Variants in TAPT1 observed in about 807,000 individuals in gnomAD.
TAPT1 encodes the protein transmembrane anterior posterior transformation protein 1 homolog.
TAPT1 carries 28 observed loss-of-function variants against 65.6 expected under a neutral mutation model. That is an observed-to-expected ratio of 0.43 (90% confidence interval 0.32 to 0.59). The LOEUF (loss-of-function observed/expected upper bound fraction) is 0.59, where lower values mean the gene tolerates loss of function less well. Among genes scored for constraint, TAPT1 ranks in the 20% least tolerant of loss-of-function variants. TAPT1 has a pLI of 0.09. For missense variants in TAPT1, 563 were observed against 679.9 expected, an observed-to-expected ratio of 0.83 and a Z score of 1.91; for synonymous variants, 278 against 245.2, an observed-to-expected ratio of 1.13 and a Z score of -1.25.
intron 1 of TAPT1, among the ~76,000 whole-genome samples, chr4:16,221,270 C>A (rs62288992): frequency 0.011 from 1,613 of 152,086 alleles, 12 homozygotes; most frequent in Non-Finnish European, 0.016. Context: ...GGATTACAGG[C>A]GCACACCTCC....
chr4:16,182,518 T>C (rs1748769350), intron 7 of TAPT1, among the ~76,000 whole-genome samples: 1 of 152,240 alleles, frequency 6.6e-6, no homozygotes, highest in Non-Finnish European at 1.5e-5. Flanking sequence ...AGGGATATAC[T>C]TTAACATACT....
chr4:16,170,966 G>A (rs894983242), intron 11 of TAPT1, among the ~76,000 whole-genome samples: 1 of 152,158 alleles, frequency 6.6e-6, no homozygotes, highest in Non-Finnish European at 1.5e-5. Context: ...GGATGCCTGT[G>A]GCTAGTGCAA....
chr4:16,198,549 A>G (rs1041988125), intron 3 of TAPT1, among the ~76,000 whole-genome samples: 1 of 140,732 alleles, frequency 7.1e-6, no homozygotes, highest in African/African-American at 2.8e-5. Context: ...GAAGATTGAA[A>G]TACAGGAGAG....
intron 1 of TAPT1, among the ~76,000 whole-genome samples, chr4:16,215,519 A>G (rs578238995): frequency 6.6e-6 from 1 of 152,224 alleles, no homozygotes; most frequent in Non-Finnish European, 1.5e-5. Flanking sequence ...TTCTTTAAAT[A>G]CCAGATTCAT....
intron 12 of TAPT1, among the ~76,000 whole-genome samples, chr4:16,169,975 A>G (rs1025824916): frequency 6.6e-5 from 10 of 152,180 alleles, no homozygotes; most frequent in Admixed American, 4.6e-4. Context: ...CTCCTGATGC[A>G]CACCACCTAG....
At chr4:16,208,700 C>T (rs2149708613) in intron 2 of TAPT1, among the ~76,000 whole-genome samples, 1 of 152,302 alleles carries the variant, frequency 6.6e-6, no homozygotes, top group East Asian at 1.9e-4. Flanking sequence ...CTCTTTTCTT[C>T]TAGATTTGTT....
chr4:16,173,032 C>T (rs1227578775), intron 11 of TAPT1, among the ~76,000 whole-genome samples: 3 of 152,112 alleles, frequency 2.0e-5, no homozygotes, highest in African/African-American at 7.2e-5. Context: ...CCAAGTTAGC[C>T]AGGCTGGTTT....
rs1748201256 is a variant in TAPT1, at chr4:16,174,451, TG to T, written c.1168-180del. 5 of 692,326 alleles carry T rather than the reference TG, an allele frequency of 7.2e-6. No homozygotes were observed. In the South Asian group the frequency reaches 1.0e-4, roughly 15 times the overall value. The allele number at this position is 692,326 out of a possible 1,614,324, so 42.9% of individuals were successfully genotyped here. A position where few individuals can be genotyped will look rare whatever the true frequency, so the allele number is the denominator to read the frequency against. On this transcript the variant is annotated intron_variant, in intron 10 of 13. Transcript: ENST00000405303. ...TGTTCACAAGTCTTAAATACAAAGT[TG>T]AATAACTTAAAATGCTGCAAAGAGC... is the stretch of plus-strand genomic sequence containing the variant.
intron 2 of TAPT1, among the ~76,000 whole-genome samples, chr4:16,209,514 T>C (rs760658505): frequency 9.2e-5 from 14 of 152,250 alleles, no homozygotes; most frequent in Non-Finnish European, 1.3e-4. Flanking sequence ...TAGAAGATCC[T>C]ATAATGTGTA....
At chr4:16,205,787 T>C (rs1304088501) in intron 2 of TAPT1, among the ~76,000 whole-genome samples, 1 of 152,136 alleles carries the variant, frequency 6.6e-6, no homozygotes, top group Non-Finnish European at 1.5e-5. Flanking sequence ...GGTTAGGATA[T>C]AATCATTATG....
chr4:16,183,624 T>C (rs2149684667), intron 7 of TAPT1, among the ~76,000 whole-genome samples: 2 of 152,316 alleles, frequency 1.3e-5, no homozygotes, highest in South Asian at 4.1e-4. Flanking sequence ...TCTGCGTGTC[T>C]AGTTTAAGGC....
At position 16,161,826 on chromosome 4, in the gene TAPT1, C is replaced by A. The variant is rs1747266943; in HGVS notation, c.*1482G>T. 2.0e-5 allele frequency: 3 copies of A among 152,142 alleles called. No homozygotes were observed. The highest frequency in any genetic ancestry group is 7.2e-5 in the African/African-American group (3 of 41,426). 9.4% of individuals were successfully genotyped at this position (152,142 alleles called of 1,614,324 possible). On this transcript the variant is annotated 3_prime_UTR_variant, in exon 14 of 14. Coordinates refer to ENST00000405303, the MANE Select transcript of TAPT1 (RefSeq NM_153365.3). ...CTTTATATTTCATCCAAGAAACAGA[C>A]AAATCACCTAAAAATTGCTTTCTGC... is the stretch of plus-strand genomic sequence containing the variant.
intron 1 of TAPT1, chr4:16,225,977 G>C (rs1173655749): frequency 1.0e-6 from 1 of 995,518 alleles, no homozygotes; most frequent in Non-Finnish European, 1.2e-6. Flanking sequence ...GGCGATGCAA[G>C]GACCCGGACA....
Position 16,163,504 on chromosome 4 carries a change from A to T in TAPT1, c.1508T>A (p.Ile503Asn). ...LSTEENLSAS[I>N]TKQPIHQKEN... ...CTTTTGATGAATAGGTTGTTTGGTGATGGAGGCAGACAGGTTTTCTTCTGT... is the reference window on the plus strand; with the variant it reads ...CTTTTGATGAATAGGTTGTTTGGTGTTGGAGGCAGACAGGTTTTCTTCTGT... Residue 503 changes from isoleucine (I) to asparagine (N), a missense_variant, in exon 14 of 14, where the codon ATC becomes AAC. Ile to Asn is a moderately radical substitution (Grantham distance 149). This residue lies in a region of TAPT1 where 136 missense variants were observed against 153.9 expected (regional missense o/e 0.88). Transcript: ENST00000405303. The T allele has an allele frequency of 6.2e-7, 1 of 1,613,988 alleles. No individual in the cohort carries two copies. The highest frequency in any genetic ancestry group is 8.5e-7 in the Non-Finnish European group (1 of 1,179,860).
At chr4:16,200,027 G>C (rs929360839) in intron 3 of TAPT1, among the ~76,000 whole-genome samples, 1 of 152,172 alleles carries the variant, frequency 6.6e-6, no homozygotes, top group African/African-American at 2.4e-5. Flanking sequence ...AACTGTCCCC[G>C]AAGAGAGACC....
At chr4:16,224,579 TCTC>T (rs1411800296) in intron 1 of TAPT1, among the ~76,000 whole-genome samples, 2 of 152,002 alleles carry the variant, frequency 1.3e-5, no homozygotes, top group Non-Finnish European at 2.9e-5. Flanking sequence ...GCCACTGACA[TCTC>T]CTCACACAAA....
chr4:16,175,507 A>G (rs1748264266), intron 9 of TAPT1, among the ~76,000 whole-genome samples: 1 of 152,158 alleles, frequency 6.6e-6, no homozygotes, highest in Non-Finnish European at 1.5e-5. Context: ...TAAAATCTAG[A>G]AAACTGTGGA....
chr4:16,182,531 C>G (rs558751351), intron 7 of TAPT1, among the ~76,000 whole-genome samples: 4 of 152,306 alleles, frequency 2.6e-5, no homozygotes, highest in African/African-American at 9.6e-5. Context: ...AACATACTTG[C>G]AGTCACATTT....
rs1251245309 is a variant in TAPT1 at position 16,199,213 on chromosome 4, ATAAG to A, written c.449+3245_449+3248del. On this transcript the variant is annotated intron_variant, in intron 3 of 13. Transcript: ENST00000405303. ...AACTGCATTTCATGTTTTTATACATATAAGTATTTATTAGTGATAGCATGAAATT... is the reference window on the plus strand; with the variant it reads ...AACTGCATTTCATGTTTTTATACATATATTTATTAGTGATAGCATGAAATT... 3.9e-5 allele frequency among the ~76,000 whole-genome samples: 6 copies of A among 152,348 alleles called. No homozygotes were observed. In the East Asian group the frequency reaches 1.2e-3, roughly 29 times the overall value.
Sources: allele counts gnomAD v4.1 joint callset (sites outside exome capture counted in the v4.1 genomes callset), GRCh38; gene constraint gnomAD v4.1.1; regional missense constraint gnomAD v4.1.1; transcripts MANE v1.5; gene names NCBI Gene and HGNC (gene_info 2026-07-23, HGNC 2026-07-21).